Variants in WIZ observed in about 807,000 individuals in gnomAD.
WIZ encodes the protein protein Wiz.
In WIZ, 25 loss-of-function variants were observed where a neutral mutation model predicts 140.2. The ratio of observed to expected loss-of-function variants is 0.18; its 90% CI spans 0.13 to 0.25. The LOEUF is 0.25. WIZ is among the 10% of genes least tolerant of loss of function. The pLI is 1.00. For missense variants in WIZ, 2,231 were observed against 2,632.6 expected, an observed-to-expected ratio of 0.85 and a Z score of 3.34; for synonymous variants, 1,125 against 1,154.3, an observed-to-expected ratio of 0.97 and a Z score of 0.51.
In WIZ at chr19:15,425,319, C is replaced by T; in HGVS notation, c.4816G>A (p.Glu1606Lys). The T allele has an allele frequency of 1.3e-6, 2 of 1,579,844 alleles. No homozygotes were observed. Among genetic ancestry groups the T allele is most frequent in the Non-Finnish European group, 1.7e-6 (2 of 1,163,288 alleles). ...TGGATGTAGGTCTTGGCCTTGACCT[C>T]TGCTGGGAGGAGGCGGTCCTCCTGC... ...PLQEDRLLPA[E>K]VKAKTYIQTE... The change falls in exon 10 of 13, where the codon GAG becomes AAG. Residue 1606 changes from glutamate to lysine, a missense_variant. Coordinates refer to ENST00000673675, the MANE Select transcript of WIZ (RefSeq NM_001371589.1).
rs1363981706 is a variant in WIZ, at chr19:15,422,527, G to C, written c.*549C>G. Reference sequence around the variant, plus strand: ...AGTGGGGGGCTCCCAGGCCCCAGCAGGCCCCACAGAGGGAGCGTGGCTTCC... The same window carrying C: ...AGTGGGGGGCTCCCAGGCCCCAGCACGCCCCACAGAGGGAGCGTGGCTTCC... On this transcript the variant is annotated 3_prime_UTR_variant, in exon 13 of 13. Transcript: ENST00000673675. 6.6e-6 allele frequency: 1 copy of C among 152,394 alleles called. No homozygotes were observed. Among genetic ancestry groups the C allele is most frequent in the Non-Finnish European group, 1.5e-5 (1 of 68,170 alleles). 9.4% of individuals were successfully genotyped at this position (152,394 alleles called of 1,614,324 possible).
chr19:15,432,889 G>C (rs1010704567), intron 5 of WIZ, among the ~76,000 whole-genome samples: 4 of 151,942 alleles, frequency 2.6e-5, no homozygotes, highest in Non-Finnish European at 4.4e-5. Context: ...TCTGGGCCCT[G>C]AGGGCGGACG....
At position 15,428,655 on chromosome 19, in the gene WIZ, G is replaced by A. The variant is rs1969019050; in HGVS notation, c.3416-147C>T. 2 of 1,014,396 alleles carry A rather than the reference G, an allele frequency of 2.0e-6. No individual in the cohort carries two copies. Among genetic ancestry groups the A allele is most frequent in the African/African-American group, 1.6e-5 (1 of 62,118 alleles). 62.8% of individuals were successfully genotyped at this position (1,014,396 alleles called of 1,614,324 possible). A position where few individuals can be genotyped will look rare whatever the true frequency, so the allele number is the denominator to read the frequency against. ...GCCGCAGATTTCTTTTGAAGTTTGG[G>A]AAGCAGGACATCCTGTTTCCTGCCT... On this transcript the variant is annotated intron_variant, in intron 7 of 12. Transcript: ENST00000673675. This position sits in a 1 kb window ranked among gnomAD's most constrained non-coding sequence, Gnocchi z 6.4.
rs930998301 is a variant in WIZ at position 15,420,137 on chromosome 19, TAG to T, written c.*2937_*2938del. Reference sequence around the variant, plus strand: ...ATGTGCTTCACACAATTCAGACAGGTAGAGAGAGGAGGAGGAAGCAAGGAGCT... The same window carrying T: ...ATGTGCTTCACACAATTCAGACAGGTAGAGAGGAGGAGGAAGCAAGGAGCT... On this transcript the variant is annotated 3_prime_UTR_variant, in exon 13 of 13. Coordinates refer to ENST00000673675, the MANE Select transcript of WIZ (RefSeq NM_001371589.1). The T allele has an allele frequency of 8.5e-5, 13 of 152,206 alleles. No homozygotes were observed. Among genetic ancestry groups the T allele is most frequent in the African/African-American group, 2.7e-4 (11 of 41,500 alleles). The allele number at this position is 152,206 out of a possible 1,614,324, so 9.4% of individuals were successfully genotyped here.
In WIZ at chr19:15,439,589, A is replaced by G. The variant is rs1188884553; in HGVS notation, c.1405T>C (p.Cys469Arg). Residue 469 changes from cysteine (C) to arginine (R), a missense_variant, in exon 4 of 13, where the codon TGT becomes CGT. Physicochemically the swap from Cys to Arg is radical, Grantham distance 180 (BLOSUM62 -3). Around this residue, in one of 15 missense-constraint regions of WIZ, gnomAD observed 475 missense variants for 520.2 expected, o/e 0.91. Transcript: ENST00000673675. The surrounding 1 kb of genome is among the most constrained non-coding windows in gnomAD (Gnocchi z 7.0). ...CTCTCGCTGGGCGCGGGGAAACCAC[A>G]GAAGACACAGGCGCTGAGGCCAACG... ...AAVGLSACVFCGFPAPSESLL... is the reference protein window; with the variant it reads ...AAVGLSACVFRGFPAPSESLL... 1 of 1,487,004 alleles carries G rather than the reference A, an allele frequency of 6.7e-7. No homozygotes were observed. Among genetic ancestry groups the G allele is most frequent in the African/African-American group, 1.4e-5 (1 of 71,274 alleles). The allele number at this position is 1,487,004 out of a possible 1,614,324, so 92.1% of individuals were successfully genotyped here.
At chr19:15,446,559 T>C (rs569250288) in intron 2 of WIZ, among the ~76,000 whole-genome samples, 7 of 152,322 alleles carry the variant, frequency 4.6e-5, no homozygotes, top group Admixed American at 6.5e-5. Context: ...CCCCACTGCC[T>C]GACACCTGCA....
chr19:15,438,797 C>T lies in WIZ; in HGVS notation c.2197G>A (p.Asp733Asn). ...GCCGGATCCCCATCCAGGAGTGTGT[C>T]CAGCCCCAGCGGGCCGCCCAGCGGC... ...DAPLGGPLGLDTLLDGDPAMA... is the reference protein window; with the variant it reads ...DAPLGGPLGLNTLLDGDPAMA... The change falls in exon 4 of 13, where the codon GAC (aspartate) becomes AAC (asparagine). Residue 733 changes from aspartate to asparagine, a missense_variant. By Grantham distance (23) the Asp-to-Asn change is conservative (BLOSUM62 1). This residue lies in a region of WIZ where 118 missense variants were observed against 209.1 expected (regional missense o/e 0.56). Transcript: ENST00000673675. The T allele has an allele frequency of 6.6e-7, 1 of 1,521,590 alleles. No homozygotes were observed. Among genetic ancestry groups the T allele is most frequent in the Non-Finnish European group, 8.8e-7 (1 of 1,135,352 alleles). The allele number at this position is 1,521,590 out of a possible 1,614,324, so 94.3% of individuals were successfully genotyped here. A position where few individuals can be genotyped will look rare whatever the true frequency, so the allele number is the denominator to read the frequency against.
At position 15,422,567 on chromosome 19, in the gene WIZ, G is replaced by C. The variant is rs1447948216; in HGVS notation, c.*509C>G. 1 of 153,096 alleles carries C rather than the reference G, an allele frequency of 6.5e-6. No individual in the cohort carries two copies. The highest frequency in any genetic ancestry group is 2.4e-5 in the African/African-American group (1 of 41,496). The allele number at this position is 153,096 out of a possible 1,614,324, so 9.5% of individuals were successfully genotyped here. ...GCGTGGCTTCCCCTGAGCAAGCACCGTGGCATGATGTGGTCGTTCAACCCA... is the reference window on the plus strand; with the variant it reads ...GCGTGGCTTCCCCTGAGCAAGCACCCTGGCATGATGTGGTCGTTCAACCCA... On this transcript the variant is annotated 3_prime_UTR_variant, in exon 13 of 13. Coordinates refer to ENST00000673675, the MANE Select transcript of WIZ (RefSeq NM_001371589.1).
intron 7 of WIZ, 53 bp downstream of exon 7, chr19:15,429,533 T>G: frequency 2.6e-6 from 3 of 1,150,836 alleles, no homozygotes; most frequent in Non-Finnish European, 2.2e-6. Flanking sequence ...CAACCTGAGG[T>G]CCCGACCCTC....
In WIZ at chr19:15,440,589, C is replaced by T. The variant is rs1969705108; in HGVS notation, c.405G>A (p.Glu135=). Reference sequence around the variant, plus strand: ...CGAATCTCCGCTCAGATAGGATGCCCTCCCCAGCCTCCTGGACAAGGGGGT... The same window carrying T: ...CGAATCTCCGCTCAGATAGGATGCCTTCCCCAGCCTCCTGGACAAGGGGGT... ...WEHPLVQEAG[E]GILSERRFED... Residue 135 remains glutamate, a synonymous_variant, in exon 4 of 13, where the codon GAG becomes GAA. Transcript: ENST00000673675. This position sits in a 1 kb window ranked among gnomAD's most constrained non-coding sequence, Gnocchi z 6.2. The T allele has an allele frequency of 6.5e-7, 1 of 1,536,114 alleles. No individual in the cohort carries two copies. The highest frequency in any genetic ancestry group is 8.7e-7 in the Non-Finnish European group (1 of 1,146,866).
intron 5 of WIZ, among the ~76,000 whole-genome samples, chr19:15,434,026 G>A (rs1325488798): frequency 6.6e-6 from 1 of 152,072 alleles, no homozygotes; most frequent in African/African-American, 2.4e-5. Context: ...AGGCCAAGAG[G>A]GGTGGATCAC....
In WIZ at chr19:15,424,050, G is replaced by A; in HGVS notation, c.5510+133C>T. On this transcript the variant is annotated intron_variant, in intron 12 of 12. Coordinates refer to ENST00000673675, the MANE Select transcript of WIZ (RefSeq NM_001371589.1). The surrounding 1 kb of genome is among the most constrained non-coding windows in gnomAD (Gnocchi z 9.7). ...AGCTCAGGGTGTCAGCCTTTAGCCT[G>A]AGCCCCACCACACCCAAGGGCAGCC... 1 of 810,808 alleles carries A rather than the reference G, an allele frequency of 1.2e-6. No individual in the cohort carries two copies. Among genetic ancestry groups the A allele is most frequent in the Non-Finnish European group, 1.8e-6 (1 of 551,564 alleles). The allele number at this position is 810,808 out of a possible 1,614,324, so 50.2% of individuals were successfully genotyped here.
Position 15,440,376 on chromosome 19 carries a change from A to G in WIZ, c.618T>C (p.Pro206=). The G allele has an allele frequency of 1.3e-6, 2 of 1,532,028 alleles. No individual in the cohort carries two copies. The highest frequency in any genetic ancestry group is 1.7e-6 in the Non-Finnish European group (2 of 1,143,856). The allele number at this position is 1,532,028 out of a possible 1,614,324, so 94.9% of individuals were successfully genotyped here. A position where few individuals can be genotyped will look rare whatever the true frequency, so the allele number is the denominator to read the frequency against. ...AGGGGGCGAGGGGTGGCGGCTGGGC[A>G]GGCAGGTCCAAGTGCAGCCCTGCGT... The part of the protein sequence containing the change: ...PQDAGLHLDL[P]AQPPPLAPFR... The change falls in exon 4 of 13, where the codon CCT becomes CCC. Residue 206 remains proline (P), a synonymous_variant. Transcript: ENST00000673675. The surrounding 1 kb of genome is among the most constrained non-coding windows in gnomAD (Gnocchi z 6.2).
rs530725461 is a variant in WIZ at position 15,422,882 on chromosome 19, C to T, written c.*194G>A. ...GAAGACACCCTGTGGCCCCAGAGTC[C>T]TCGGGCTGGGGGAAGGGCAGCTAGC... On this transcript the variant is annotated 3_prime_UTR_variant, in exon 13 of 13. Coordinates refer to ENST00000673675, the MANE Select transcript of WIZ (RefSeq NM_001371589.1). 2 of 778,566 alleles carry T rather than the reference C, an allele frequency of 2.6e-6. No homozygotes were observed. Among genetic ancestry groups the T allele is most frequent in the East Asian group, 2.8e-5 (1 of 36,110 alleles). The allele number at this position is 778,566 out of a possible 1,614,324, so 48.2% of individuals were successfully genotyped here.
intron 5 of WIZ, among the ~76,000 whole-genome samples, chr19:15,434,585 CAAA>C (rs5827287): frequency 1.6e-5 from 2 of 124,104 alleles, no homozygotes; most frequent in Non-Finnish European, 1.7e-5. Flanking sequence ...GACTCCATCT[CAAA>C]AAAAAAAAAA....
chr19:15,428,748 C>A lies in WIZ; in HGVS notation c.3416-240G>T, dbSNP rs1969025018. The stretch of plus-strand genomic sequence containing the variant: ...TGGGTAGACAGGCAGTGACCAAATT[C>A]TAGGTAATCAGATACTCCCAGACCC... On this transcript the variant is annotated intron_variant, in intron 7 of 12. Transcript: ENST00000673675. This position sits in a 1 kb window ranked among gnomAD's most constrained non-coding sequence, Gnocchi z 6.4. 1.3e-5 allele frequency among the ~76,000 whole-genome samples: 2 copies of A among 152,158 alleles called. No homozygotes were observed. Among genetic ancestry groups the A allele is most frequent in the South Asian group, 4.1e-4 (2 of 4,836 alleles).
chr19:15,424,885 T>C lies in WIZ; in HGVS notation c.5042A>G (p.Lys1681Arg). ...SPIETLSEWI[K>R]HRPQKVGAYR... is the part of the protein sequence containing the mutation. Reference sequence around the variant, plus strand: ...GGCGCCCACCTTCTGGGGCCGGTGTTTGATCCACTCGCTCAGTGTCTCGAT... The same window carrying C: ...GGCGCCCACCTTCTGGGGCCGGTGTCTGATCCACTCGCTCAGTGTCTCGAT... The change falls in exon 11 of 13, where the codon AAA (lysine) becomes AGA (arginine). Residue 1681 changes from lysine to arginine, a missense_variant. Physicochemically the swap from Lys to Arg is conservative, Grantham distance 26 (BLOSUM62 2). This residue lies in a region of WIZ where 299 missense variants were observed against 309.6 expected (regional missense o/e 0.97). Transcript: ENST00000673675. This position sits in a 1 kb window ranked among gnomAD's most constrained non-coding sequence, Gnocchi z 9.7. 3.7e-6 allele frequency: 6 copies of C among 1,611,038 alleles called. No individual in the cohort carries two copies. The highest frequency in any genetic ancestry group is 5.1e-6 in the Non-Finnish European group (6 of 1,179,488).
At position 15,440,183 on chromosome 19, in the gene WIZ, C is replaced by G; in HGVS notation, c.811G>C (p.Glu271Gln). 1 of 1,532,146 alleles carries G rather than the reference C, an allele frequency of 6.5e-7. No homozygotes were observed. The highest frequency in any genetic ancestry group is 8.7e-7 in the Non-Finnish European group (1 of 1,145,142). 94.9% of individuals were successfully genotyped at this position (1,532,146 alleles called of 1,614,324 possible). A position where few individuals can be genotyped will look rare whatever the true frequency, so the allele number is the denominator to read the frequency against. The change falls in exon 4 of 13, where the codon GAG (glutamate) becomes CAG (glutamine). Residue 271 changes from glutamate to glutamine, a missense_variant. Physicochemically the swap from Glu to Gln is conservative, Grantham distance 29. This residue lies in a region of WIZ where 307 missense variants were observed against 294.1 expected (regional missense o/e 1.04). Coordinates refer to ENST00000673675, the MANE Select transcript of WIZ (RefSeq NM_001371589.1). The surrounding 1 kb of genome is among the most constrained non-coding windows in gnomAD (Gnocchi z 6.2). ...GGCTGCAGCCGCTCCACAGAAGCCTCCGAGTTCACTGTCCAGGTCTGTGTG... is the reference window on the plus strand; with the variant it reads ...GGCTGCAGCCGCTCCACAGAAGCCTGCGAGTTCACTGTCCAGGTCTGTGTG... ...VATQTWTVNS[E>Q]ASVERLQPLL...
intron 2 of WIZ, among the ~76,000 whole-genome samples, chr19:15,443,544 C>A (rs1451733868): frequency 6.6e-6 from 1 of 152,222 alleles, no homozygotes. Flanking sequence ...GGCCTTTGCA[C>A]CTGCTATGCC....
Sources: allele counts gnomAD v4.1 joint callset (sites outside exome capture counted in the v4.1 genomes callset), GRCh38; gene constraint gnomAD v4.1.1; regional missense constraint gnomAD v4.1.1; non-coding constraint Gnocchi (gnomAD v3.1); transcripts MANE v1.5; gene names NCBI Gene and HGNC (gene_info 2026-07-23, HGNC 2026-07-21).